ANXA2: variants seen among roughly 807,000 people sequenced by gnomAD.
ANXA2 encodes the protein annexin II.
In ANXA2, 28 loss-of-function variants were observed where a neutral mutation model predicts 47.3. The observed-to-expected ratio is 0.59, with a 90% CI of 0.44 to 0.81. The LOEUF is 0.81. Among genes scored for constraint, ANXA2 ranks in the 40% least tolerant of loss-of-function variants. The probability of loss-of-function intolerance (pLI) is 0.00; values close to 1 mark genes in which losing one functional copy is unlikely to be tolerated. For synonymous variants in ANXA2, 172 were observed against 155.5 expected (o/e 1.11, Z -0.79); for missense variants, 384 against 414.3 (o/e 0.93, Z 0.64).
In ANXA2 at chr15:60,357,155, AG is replaced by A; in HGVS notation, c.438del (p.Tyr147ThrfsTer24). On this transcript the variant is annotated frameshift_variant, in exon 6 of 13. Transcript: ENST00000451270. LOFTEE classifies it high-confidence loss of function. The part of the protein sequence containing the change: ...TNQELQEINR[V>X]YKEMYKTDLE... ...AAATCAAGCTACTCACTTTCCTTGTAGACTCTGTTAATTTCCTGCAGCTCCT... is the reference window on the plus strand; with the variant it reads ...AAATCAAGCTACTCACTTTCCTTGTAACTCTGTTAATTTCCTGCAGCTCCT... 6.2e-7 allele frequency: 1 copy of A among 1,613,934 alleles called. No homozygotes were observed. Among genetic ancestry groups the A allele is most frequent in the Non-Finnish European group, 8.5e-7 (1 of 1,179,880 alleles).
intron 3 of ANXA2, among the ~76,000 whole-genome samples, chr15:60,365,045 C>T (rs12708464): frequency 0.73 from 70,467 of 96,892 alleles, 27,280 homozygotes; most frequent in African/African-American, 0.84. Context: ...AGATTTAACA[C>T]GGCAGTTGTA....
chr15:60,379,901 G>C (rs2062831623), intron 3 of ANXA2, among the ~76,000 whole-genome samples: 1 of 152,200 alleles, frequency 6.6e-6, no homozygotes, highest in South Asian at 2.1e-4. Flanking sequence ...TTTCAGCTGT[G>C]ACCAGAGTTC....
At chr15:60,350,368 G>GT (rs1895954784) in intron 11 of ANXA2, among the ~76,000 whole-genome samples, 1 of 152,050 alleles carries the variant, frequency 6.6e-6, no homozygotes, top group Non-Finnish European at 1.5e-5. Flanking sequence ...GTAACAAGAG[G>GT]TTCCTGACTC....
intron 1 of ANXA2, among the ~76,000 whole-genome samples, chr15:60,394,209 C>G (rs759630500): frequency 6.6e-6 from 1 of 152,160 alleles, no homozygotes; most frequent in East Asian, 1.9e-4. Flanking sequence ...GCAGGATGTA[C>G]GAGTGGCCTT....
chr15:60,389,967 C>T (rs1447108072), intron 1 of ANXA2, among the ~76,000 whole-genome samples: 1 of 152,284 alleles, frequency 6.6e-6, no homozygotes, highest in Admixed American at 6.5e-5. Flanking sequence ...CCTACACGTG[C>T]CAAGTATTCA....
chr15:60,348,810 T>G (rs1298634428), intron 12 of ANXA2, among the ~76,000 whole-genome samples: 5 of 151,852 alleles, frequency 3.3e-5, no homozygotes, highest in African/African-American at 1.2e-4. Flanking sequence ...CAGCAAGCCT[T>G]GCAGGATCAT....
Position 60,360,915 on chromosome 15 carries a change from A to G in ANXA2, c.357+26T>C, listed in dbSNP as rs754326449. The G allele has an allele frequency of 5.1e-6, 7 of 1,384,172 alleles. No individual in the cohort carries two copies. In the East Asian group the frequency reaches 1.4e-4, roughly 27 times the overall value. 85.7% of individuals were successfully genotyped at this position (1,384,172 alleles called of 1,614,324 possible). A position where few individuals can be genotyped will look rare whatever the true frequency, so the allele number is the denominator to read the frequency against. On this transcript the variant is annotated intron_variant, in intron 5 of 12. Coordinates refer to ENST00000451270, the MANE Select transcript of ANXA2 (RefSeq NM_004039.3). ...TCACAAAATTAATAGCAGATTTGAC[A>G]GAGATGACATCTCACATGCATTTAC...
Position 60,351,838 on chromosome 15 carries a change from G to C in ANXA2, c.683-19C>G. 1 of 1,533,952 alleles carries C rather than the reference G, an allele frequency of 6.5e-7. No homozygotes were observed. The highest frequency in any genetic ancestry group is 9.0e-7 in the Non-Finnish European group (1 of 1,107,932). ...TCAAATACTGAGGAAAAACAACAAA[G>C]AGTTATCAGATCCGAGCCACTAGTC... On this transcript the variant is annotated intron_variant, in intron 9 of 12. Coordinates refer to ENST00000451270, the MANE Select transcript of ANXA2 (RefSeq NM_004039.3).
intron 3 of ANXA2, among the ~76,000 whole-genome samples, chr15:60,370,221 G>A (rs1330189839): frequency 6.6e-6 from 1 of 152,186 alleles, no homozygotes; most frequent in Non-Finnish European, 1.5e-5. Flanking sequence ...TTGCACAAGT[G>A]CTAATGCCAC....
At chr15:60,368,755 A>G (rs984396454) in intron 3 of ANXA2, among the ~76,000 whole-genome samples, 2 of 152,176 alleles carry the variant, frequency 1.3e-5, no homozygotes, top group African/African-American at 4.8e-5. Flanking sequence ...AATGACCATA[A>G]ATGGGTTTTT....
chr15:60,366,386 C>T (rs2062603326), intron 3 of ANXA2, among the ~76,000 whole-genome samples: 2 of 150,542 alleles, frequency 1.3e-5, no homozygotes, highest in African/African-American at 2.5e-5. Context: ...GCCGCCATCC[C>T]ATCTAGGAAG....
At chr15:60,397,018 T>C (rs1289018719) in intron 1 of ANXA2, among the ~76,000 whole-genome samples, 2 of 152,218 alleles carry the variant, frequency 1.3e-5, no homozygotes, top group Admixed American at 1.3e-4. Context: ...GTGGTAAGAA[T>C]AGGCATCCTT....
At chr15:60,382,044 G>A (rs1333094243) in intron 3 of ANXA2, among the ~76,000 whole-genome samples, 1 of 94,176 alleles carries the variant, frequency 1.1e-5, no homozygotes, top group Admixed American at 1.5e-4. Context: ...GGAAAGGAAA[G>A]AAGGGAGGGG....
intron 3 of ANXA2, among the ~76,000 whole-genome samples, chr15:60,369,480 A>T (rs1426378878): frequency 1.3e-5 from 2 of 152,242 alleles, no homozygotes; most frequent in Non-Finnish European, 2.9e-5. Flanking sequence ...CCAGAAGTCA[A>T]CCTAGGGGCC....
intron 1 of ANXA2, among the ~76,000 whole-genome samples, chr15:60,392,807 G>A (rs2063031057): frequency 6.6e-6 from 1 of 152,216 alleles, no homozygotes; most frequent in Non-Finnish European, 1.5e-5. Context: ...ATCAATCAGG[G>A]ACTGGTGATT....
chr15:60,370,516 A>G (rs1003298920), intron 3 of ANXA2, among the ~76,000 whole-genome samples: 8 of 152,222 alleles, frequency 5.3e-5, no homozygotes, highest in African/African-American at 1.9e-4. Context: ...TGCTATTGTA[A>G]TTGGTGAGGC....
chr15:60,384,182 A>G (rs1284953928), intron 2 of ANXA2: 1 of 152,260 alleles, frequency 6.6e-6, no homozygotes, highest in African/African-American at 2.4e-5. Flanking sequence ...TAGCTATAAA[A>G]TGTGGATGAA....
At chr15:60,385,138 G>C (rs1472120203) in intron 2 of ANXA2, among the ~76,000 whole-genome samples, 3 of 152,104 alleles carry the variant, frequency 2.0e-5, no homozygotes. Flanking sequence ...ATTCAGTTTA[G>C]TTCTAAATTC....
chr15:60,364,346 C>A (rs2140841511), intron 4 of ANXA2, 83 bp downstream of exon 4: 1 of 1,104,532 alleles, frequency 9.1e-7, no homozygotes, highest in East Asian at 2.4e-5. Flanking sequence ...GCATGAGAGC[C>A]ACAATTCATG....
Sources: allele counts gnomAD v4.1 joint callset (sites outside exome capture counted in the v4.1 genomes callset), GRCh38; gene constraint gnomAD v4.1.1; transcripts MANE v1.5; gene names NCBI Gene and HGNC (gene_info 2026-07-23, HGNC 2026-07-21).